SYT2: variants seen among roughly 807,000 people sequenced by gnomAD.
SYT2 encodes synaptotagmin-2.
Under a neutral mutation model 39.9 loss-of-function variants are expected in SYT2, and 15 were observed. That is an observed-to-expected ratio of 0.38 (90% CI 0.25 to 0.58). The LOEUF (loss-of-function observed/expected upper bound fraction) is 0.58, where lower values mean the gene tolerates loss of function less well. Among genes scored for constraint, SYT2 ranks in the 20% least tolerant of loss-of-function variants. SYT2 has a pLI of 0.70. For synonymous variants in SYT2, 181 were observed against 204.5 expected (o/e 0.89, Z 0.98); for missense variants, 389 against 530.3 (o/e 0.73, Z 2.62).
chr1:202,656,520 G>A (rs1015043230), intron 1 of SYT2, among the ~76,000 whole-genome samples: 14 of 152,216 alleles, frequency 9.2e-5, no homozygotes, highest in African/African-American at 2.9e-4. Flanking sequence ...TGCTTCCCAA[G>A]CGGACAGCCT....
chr1:202,677,782 AG>A lies in SYT2; in HGVS notation c.-18+32475del, dbSNP rs1325490400. Reference sequence around the variant, plus strand: ...ACTATATGATTTATGAAATATGAACAGCAAAATCATCATGGGTGCTTTTGAG... The same window carrying A: ...ACTATATGATTTATGAAATATGAACACAAAATCATCATGGGTGCTTTTGAG... On this transcript the variant is annotated intron_variant, in intron 1 of 8. Coordinates refer to ENST00000367268, the MANE Select transcript of SYT2 (RefSeq NM_177402.5). 3.3e-5 allele frequency among the ~76,000 whole-genome samples: 5 copies of A among 152,392 alleles called. No individual in the cohort carries two copies. The South Asian group carries it at 1.0e-3, about 32-fold the overall frequency.
intron 1 of SYT2, among the ~76,000 whole-genome samples, chr1:202,699,647 TG>T (rs1223573176): frequency 1.3e-5 from 2 of 152,246 alleles, no homozygotes; most frequent in Non-Finnish European, 1.5e-5. Context: ...TAAAAATCAC[TG>T]AACTGTACAC....
chr1:202,693,114 A>G (rs936648791), intron 1 of SYT2, among the ~76,000 whole-genome samples: 3 of 152,130 alleles, frequency 2.0e-5, no homozygotes, highest in Non-Finnish European at 4.4e-5. Flanking sequence ...TTTTGACCCT[A>G]CTGTCTGTGA....
chr1:202,706,059 T>C (rs1488137437), intron 1 of SYT2, among the ~76,000 whole-genome samples: 2 of 151,918 alleles, frequency 1.3e-5, no homozygotes, highest in Non-Finnish European at 1.5e-5. Context: ...GGCAGCTAGG[T>C]GTTCCCCTGC....
At chr1:202,677,291 T>C (rs1460337529) in intron 1 of SYT2, among the ~76,000 whole-genome samples, 1 of 152,088 alleles carries the variant, frequency 6.6e-6, no homozygotes, top group East Asian at 1.9e-4. Flanking sequence ...AGAGAGAGGG[T>C]CTGTGTACCC....
At chr1:202,606,086 TTAAG>T (rs1021049153) in intron 1 of SYT2, among the ~76,000 whole-genome samples, 3 of 151,964 alleles carry the variant, frequency 2.0e-5, no homozygotes, top group African/African-American at 7.3e-5. Context: ...CTATGGGTGA[TTAAG>T]TAAGGTTCTG....
intron 1 of SYT2, chr1:202,627,340 G>T: frequency 3.6e-6 from 2 of 561,756 alleles, no homozygotes; most frequent in African/African-American, 2.0e-5. Context: ...GAGCCTGATA[G>T]CAGGAAATGG....
intron 1 of SYT2, among the ~76,000 whole-genome samples, chr1:202,648,997 C>T (rs545816398): frequency 6.6e-6 from 1 of 152,314 alleles, no homozygotes; most frequent in East Asian, 1.9e-4. Flanking sequence ...GCCCAAGCAA[C>T]CTGCTGTGAG....
At chr1:202,688,823 G>T (rs936793437) in intron 1 of SYT2, among the ~76,000 whole-genome samples, 1 of 152,342 alleles carries the variant, frequency 6.6e-6, no homozygotes, top group East Asian at 1.9e-4. Flanking sequence ...CATGGTCTGA[G>T]TTGAGTTTTC....
intron 1 of SYT2, among the ~76,000 whole-genome samples, chr1:202,663,600 A>G (rs2149106678): frequency 6.6e-6 from 1 of 152,336 alleles, no homozygotes; most frequent in South Asian, 2.1e-4. Flanking sequence ...TGAGTATAAT[A>G]TGCCTCATGT....
At chr1:202,618,589 C>CT (rs1480225564) in intron 1 of SYT2, among the ~76,000 whole-genome samples, 1 of 152,176 alleles carries the variant, frequency 6.6e-6, no homozygotes, top group Non-Finnish European at 1.5e-5. Flanking sequence ...TTTCACCTCT[C>CT]TGAGTGTCAG....
intron 1 of SYT2, among the ~76,000 whole-genome samples, chr1:202,707,621 T>C (rs1052680406): frequency 2.0e-5 from 3 of 152,204 alleles, no homozygotes; most frequent in Admixed American, 6.5e-5. Flanking sequence ...TCCAGGCAAA[T>C]GAAGCCCAAC....
At chr1:202,701,229 C>T (rs769722295) in intron 1 of SYT2, among the ~76,000 whole-genome samples, 2 of 152,158 alleles carry the variant, frequency 1.3e-5, no homozygotes, top group Non-Finnish European at 2.9e-5. Flanking sequence ...GAGCTCACTT[C>T]GTTCATTTTT....
At chr1:202,604,390 C>A in intron 3 of SYT2, 65 bp downstream of exon 3, 1 of 1,548,876 alleles carries the variant, frequency 6.5e-7, no homozygotes, top group South Asian at 1.2e-5. Context: ...TTTGCTTCCC[C>A]TTTCAGCATC....
chr1:202,697,746 A>C (rs550816957), intron 1 of SYT2, among the ~76,000 whole-genome samples: 1 of 152,362 alleles, frequency 6.6e-6, no homozygotes, highest in Admixed American at 6.5e-5. Context: ...TGATTGTAAT[A>C]ATCACCATAT....
chr1:202,680,620 G>T (rs555793281), intron 1 of SYT2, among the ~76,000 whole-genome samples: 6 of 152,168 alleles, frequency 3.9e-5, no homozygotes, highest in African/African-American at 1.4e-4. Flanking sequence ...CCCAAGGGGA[G>T]AAAGAGAGAG....
chr1:202,699,898 G>A (rs1449559723), intron 1 of SYT2, among the ~76,000 whole-genome samples: 1 of 152,002 alleles, frequency 6.6e-6, no homozygotes, highest in Non-Finnish European at 1.5e-5. Flanking sequence ...TCTTTGAGAA[G>A]TCACATTCCC....
chr1:202,681,802 G>A (rs1439732653), intron 1 of SYT2, among the ~76,000 whole-genome samples: 1 of 152,234 alleles, frequency 6.6e-6, no homozygotes, highest in Admixed American at 6.5e-5. Context: ...GGGGATGGAA[G>A]GATTCATGTC....
At chr1:202,642,594 A>T (rs930620540) in intron 1 of SYT2, among the ~76,000 whole-genome samples, 2 of 152,098 alleles carry the variant, frequency 1.3e-5, no homozygotes, top group Non-Finnish European at 2.9e-5. Flanking sequence ...AAAGTGTGGG[A>T]AAGTTCCCGG....
Sources: gnomAD v4.1 joint callset for allele counts (sites outside exome capture counted in the v4.1 genomes callset) on GRCh38, gnomAD v4.1.1 for gene constraint, MANE v1.5 for transcripts, NCBI Gene and HGNC (gene_info 2026-07-23, HGNC 2026-07-21) for gene names.